Variants in OSBPL10 observed in about 807,000 individuals in gnomAD.
OSBPL10 encodes oxysterol-binding protein-related protein 10.
Under a neutral mutation model 81.7 loss-of-function variants are expected in OSBPL10, and 49 were observed. That is an observed-to-expected ratio of 0.60 (90% CI 0.48 to 0.76). The LOEUF is 0.76. OSBPL10 is among the 30% of genes least tolerant of loss of function. The pLI is 0.00. For missense variants in OSBPL10, 923 were observed against 987.8 expected, an observed-to-expected ratio of 0.93 and a Z score of 0.88; for synonymous variants, 419 against 383.6, an observed-to-expected ratio of 1.09 and a Z score of -1.08.
chr3:31,769,389 G>A (rs1194968188), intron 4 of OSBPL10, among the ~76,000 whole-genome samples: 4 of 131,212 alleles, frequency 3.0e-5, no homozygotes, highest in African/African-American at 5.5e-5. Context: ...AGGTTGCAGT[G>A]AGCCGAGATC....
chr3:31,932,330 C>CA (rs951329568), intron 1 of OSBPL10, among the ~76,000 whole-genome samples: 9 of 152,152 alleles, frequency 5.9e-5, no homozygotes, highest in African/African-American at 1.9e-4. Flanking sequence ...TCCTTACCTC[C>CA]AAGACAACAC....
At chr3:31,977,010 G>A (rs1348471012) in intron 1 of OSBPL10, among the ~76,000 whole-genome samples, 1 of 152,106 alleles carries the variant, frequency 6.6e-6, no homozygotes, top group African/African-American at 2.4e-5. Flanking sequence ...ATTTTAGTTT[G>A]AGAGTAAAGT....
At position 31,708,715 on chromosome 3, in the gene OSBPL10, T is replaced by C. The variant is rs537530132; in HGVS notation, c.1096-6207A>G. The C allele has an allele frequency of 1.9e-5, 19 of 984,766 alleles. No homozygotes were observed. The South Asian group carries it at 5.2e-4, about 27-fold the overall frequency. 61.0% of individuals were successfully genotyped at this position (984,766 alleles called of 1,614,324 possible). On this transcript the variant is annotated intron_variant, in intron 6 of 11. Transcript: ENST00000396556. ...AAATGGTTGATCCTGATGAACCTAC[T>C]GTCCTTCCCACACACTGCACAGGTG...
intron 2 of OSBPL10, among the ~76,000 whole-genome samples, chr3:32,042,688 G>A (rs113082393): frequency 1.8e-3 from 276 of 152,232 alleles, no homozygotes; most frequent in African/African-American, 6.3e-3. Context: ...CATATCGGTA[G>A]GACCGTGATG....
chr3:31,831,737 CA>C (rs1700247635), intron 3 of OSBPL10, among the ~76,000 whole-genome samples: 1 of 152,182 alleles, frequency 6.6e-6, no homozygotes, highest in African/African-American at 2.4e-5. Flanking sequence ...AGTCTGAGTA[CA>C]CAATCTGTCA....
rs759764032 is a variant in OSBPL10, at chr3:31,670,805, T to C, written c.1905A>G (p.Lys635=). Residue 635 remains lysine (K), a synonymous_variant, in exon 9 of 12, where the codon AAA becomes AAG. Coordinates refer to ENST00000396556, the MANE Select transcript of OSBPL10 (RefSeq NM_017784.5). ...CTCCGGCCAGCTCCTACCTGTGGAC[T>C]TTCCCTCCATAGAAAGGCTTCGTGT... The part of the protein sequence containing the change: ...IFHTKPFYGG[K]VHRVTAEVKH... 3 of 1,613,798 alleles carry C rather than the reference T, an allele frequency of 1.9e-6. No homozygotes were observed. Among genetic ancestry groups the C allele is most frequent in the South Asian group, 1.1e-5 (1 of 90,988 alleles).
intron 1 of OSBPL10, among the ~76,000 whole-genome samples, chr3:31,946,116 G>A (rs903237755): frequency 2.6e-5 from 4 of 152,014 alleles, no homozygotes; most frequent in Admixed American, 1.3e-4. Context: ...GAGTAGCTGG[G>A]ATTACAGGCA....
intron 2 of OSBPL10, among the ~76,000 whole-genome samples, chr3:31,993,735 A>G (rs116749123): frequency 0.016 from 2,393 of 152,152 alleles, 25 homozygotes; most frequent in Non-Finnish European, 0.023. Flanking sequence ...GCTGGTGAGG[A>G]TGTGGAGTAA....
intron 1 of OSBPL10, among the ~76,000 whole-genome samples, chr3:31,891,830 A>C (rs2125659594): frequency 6.6e-6 from 1 of 152,272 alleles, no homozygotes. Context: ...AATCCATATA[A>C]AAGCTCAACA....
chr3:32,012,936 C>T (rs1260344654), intron 2 of OSBPL10, among the ~76,000 whole-genome samples: 1 of 152,180 alleles, frequency 6.6e-6, no homozygotes, highest in African/African-American at 2.4e-5. Flanking sequence ...CACCCAGATT[C>T]ATAAAGCAAG....
At chr3:31,990,706 T>C (rs751369382) in intron 2 of OSBPL10, 49 of 1,614,014 alleles carry the variant, frequency 3.0e-5, no homozygotes, top group Non-Finnish European at 1.5e-5. Flanking sequence ...ATGTGAAGAA[T>C]GTGACACAGT....
chr3:31,786,907 GAC>G (rs1182030450), intron 4 of OSBPL10, among the ~76,000 whole-genome samples: 1 of 152,170 alleles, frequency 6.6e-6, no homozygotes, highest in Non-Finnish European at 1.5e-5. Context: ...TAATCTGGCA[GAC>G]ACAGATCTGA....
At chr3:32,023,941 A>AATCTTAAAC (rs1699380411) in intron 2 of OSBPL10, among the ~76,000 whole-genome samples, 1 of 152,202 alleles carries the variant, frequency 6.6e-6, no homozygotes, top group African/African-American at 2.4e-5. Context: ...CTATAATAAG[A>AATCTTAAAC]ATCTTAAACC....
chr3:32,014,023 G>C (rs558846151), intron 2 of OSBPL10, among the ~76,000 whole-genome samples: 89 of 152,284 alleles, frequency 5.8e-4, no homozygotes, highest in African/African-American at 2.0e-3. Context: ...GGTACAAGGA[G>C]GAGCTGGTAC....
chr3:31,691,778 G>T (rs1559418207), intron 7 of OSBPL10, among the ~76,000 whole-genome samples: 1 of 152,056 alleles, frequency 6.6e-6, no homozygotes, highest in South Asian at 2.1e-4. Context: ...AGCCATCTTC[G>T]TATTTTATCC....
intron 8 of OSBPL10, among the ~76,000 whole-genome samples, chr3:31,676,399 A>G (rs1700477582): frequency 6.6e-6 from 1 of 152,148 alleles, no homozygotes. Context: ...AGAAGCCAAA[A>G]AAAAAAAAAA....
intron 3 of OSBPL10, among the ~76,000 whole-genome samples, chr3:31,854,203 T>C (rs946230764): frequency 3.9e-5 from 6 of 151,952 alleles, no homozygotes; most frequent in Non-Finnish European, 7.4e-5. Context: ...TCTAGAGAGA[T>C]TGCCTAACTG....
chr3:31,858,757 C>T (rs1368410335), intron 3 of OSBPL10, among the ~76,000 whole-genome samples: 1 of 152,174 alleles, frequency 6.6e-6, no homozygotes, highest in East Asian at 1.9e-4. Flanking sequence ...CAAGGCCAGC[C>T]TGGCTGAGTC....
chr3:31,820,599 GA>G lies in OSBPL10; in HGVS notation c.729+9440del, dbSNP rs963714270. Among the ~76,000 whole-genome samples, 327 of 143,728 alleles carry G rather than the reference GA, an allele frequency of 2.3e-3. 2 individuals are homozygous for G. Among genetic ancestry groups the G allele is most frequent in the East Asian group, 0.022 (110 of 4,980 alleles). The allele number at this position is 143,728 out of a possible 152,430, so 94.3% of individuals were successfully genotyped here. On this transcript the variant is annotated intron_variant, in intron 4 of 11. Coordinates refer to ENST00000396556, the MANE Select transcript of OSBPL10 (RefSeq NM_017784.5). ...GGCAGAGCGAGACTCCATCTCGGGA[GA>G]AAAAAAAAAAATTTCAACATAAAGA... is the stretch of plus-strand genomic sequence containing the variant.
Sources: allele counts gnomAD v4.1 joint callset (sites outside exome capture counted in the v4.1 genomes callset), GRCh38; gene constraint gnomAD v4.1.1; transcripts MANE v1.5; gene names NCBI Gene and HGNC (gene_info 2026-07-23, HGNC 2026-07-21).